The following NDRG2 variants were observed in gnomAD, a reference collection of about 807,000 sequenced individuals.
NDRG2 encodes the protein protein NDRG2.
A neutral mutation model predicts 58.2 loss-of-function variants in NDRG2; 34 were observed. The ratio of observed to expected loss-of-function variants is 0.58; its 90% CI spans 0.44 to 0.78. The LOEUF (loss-of-function observed/expected upper bound fraction) is 0.78. NDRG2 is among the 30% of genes least tolerant of loss of function. The probability of loss-of-function intolerance (pLI) is 0.00; values close to 1 mark genes in which losing one functional copy is unlikely to be tolerated. For synonymous variants in NDRG2, 187 were observed against 175.9 expected (o/e 1.06, Z -0.50); for missense variants, 434 against 471.2 (o/e 0.92, Z 0.73).
chr14:21,055,503 G>A lies in NDRG2; in HGVS notation c.24+15325C>T, dbSNP rs372643938. Among the ~76,000 whole-genome samples, 3 of 152,334 alleles carry A rather than the reference G, an allele frequency of 2.0e-5. No individual in the cohort carries two copies. In the South Asian group the frequency reaches 6.2e-4, roughly 32 times the overall value. On this transcript the variant is annotated intron_variant, in intron 1 of 14. Transcript: ENST00000403829. ...ATAAAACAGCCCTGAGGCTGTGGCA[G>A]TGGGGAAAACTCATGATGAATGACT...
In NDRG2 at chr14:21,018,254, AC is replaced by A. The variant is rs1566452385; in HGVS notation, c.862-16del. On this transcript the variant is annotated splice_polypyrimidine_tract_variant and intron_variant, in intron 13 of 15. Transcript: ENST00000556147. The stretch of plus-strand genomic sequence containing the variant: ...GAGTCAGCCATCTGTTCAGGAGAGC[AC>A]CACCCAGAAAAAGTGAAACACACAT... 1 of 1,613,618 alleles carries A rather than the reference AC, an allele frequency of 6.2e-7. No homozygotes were observed.
Position 21,022,070 on chromosome 14 carries a change from G to T in NDRG2, c.336C>A (p.Phe112Leu). Residue 112 changes from phenylalanine to leucine, a missense_variant, in exon 5 of 16, where the codon TTC becomes TTA. Physicochemically the swap from Phe to Leu is conservative, Grantham distance 22. Transcript: ENST00000556147. The stretch of plus-strand genomic sequence containing the variant: ...AACGACCTAACTCTTACCCCAAAGG[G>T]AACACAGGGGCTCCCTCTTCCATTC... ...APGMEEGAPV[F>L]PLGYQYPSLD... 6.2e-7 allele frequency: 1 copy of T among 1,614,094 alleles called. No individual in the cohort carries two copies. Among genetic ancestry groups the T allele is most frequent in the South Asian group, 1.1e-5 (1 of 91,066 alleles).
At chr14:21,068,365 C>T (rs1316391691) in intron 1 of NDRG2, among the ~76,000 whole-genome samples, 1 of 151,894 alleles carries the variant, frequency 6.6e-6, no homozygotes, top group Non-Finnish European at 1.5e-5. Context: ...TTGTGGACCC[C>T]CATAGCCAGA....
chr14:21,066,325 GTT>G (rs71416998), intron 1 of NDRG2, among the ~76,000 whole-genome samples: 8 of 142,546 alleles, frequency 5.6e-5, no homozygotes, highest in Non-Finnish European at 3.1e-5. Flanking sequence ...TGTTTTTTTT[GTT>G]TTTTTTTTTT....
chr14:21,023,573 C>T (rs970430384), intron 1 of NDRG2: 3 of 433,594 alleles, frequency 6.9e-6, no homozygotes, highest in East Asian at 6.9e-5. Flanking sequence ...ACCCTCAACA[C>T]CACACCTCCA....
At chr14:21,031,277 C>T (rs751758302) in intron 1 of NDRG2, 2 of 1,376,550 alleles carry the variant, frequency 1.5e-6, no homozygotes, top group South Asian at 1.5e-5. Flanking sequence ...CCGAAACAGA[C>T]TTTAGAGATC....
chr14:21,064,443 AG>A (rs111468823), intron 1 of NDRG2, among the ~76,000 whole-genome samples: 49 of 152,218 alleles, frequency 3.2e-4, no homozygotes, highest in African/African-American at 1.2e-3. Flanking sequence ...CTGGGATTAC[AG>A]GTGCACACTG....
chr14:21,066,873 T>A (rs1011183995), intron 1 of NDRG2, among the ~76,000 whole-genome samples: 5 of 152,202 alleles, frequency 3.3e-5, no homozygotes, highest in African/African-American at 1.2e-4. Flanking sequence ...AGAACTGATA[T>A]ATATTTACAT....
Position 21,025,003 on chromosome 14 carries a change from G to A in NDRG2, c.-980C>T. On this transcript the variant is annotated 5_prime_UTR_variant, in exon 1 of 16. Transcript: ENST00000556147. The surrounding 1 kb of genome is among the most constrained non-coding windows in gnomAD (Gnocchi z 5.1). ...CCGGCTGGCGCCTTCCAGGCCCTAC[G>A]GCCCCTCGCCTGCCCCTCCCCCTAC... 1 of 985,832 alleles carries A rather than the reference G, an allele frequency of 1.0e-6. No individual in the cohort carries two copies. The highest frequency in any genetic ancestry group is 1.2e-6 in the Non-Finnish European group (1 of 830,370). 61.1% of individuals were successfully genotyped at this position (985,832 alleles called of 1,614,324 possible).
intron 1 of NDRG2, among the ~76,000 whole-genome samples, chr14:21,064,264 AGTG>A (rs1886131040): frequency 6.6e-6 from 1 of 152,116 alleles, no homozygotes; most frequent in Non-Finnish European, 1.5e-5. Context: ...TAAAATTGAG[AGTG>A]ACTAAATGAA....
intron 14 of NDRG2, 29 bp downstream of exon 14, chr14:21,018,175 C>G: frequency 6.2e-7 from 1 of 1,613,358 alleles, no homozygotes; most frequent in South Asian, 1.1e-5. Flanking sequence ...ATGTCCCTTC[C>G]CCATCCCATG....
chr14:21,038,109 CCTT>C (rs1884733807), intron 1 of NDRG2, among the ~76,000 whole-genome samples: 6 of 152,300 alleles, frequency 3.9e-5, no homozygotes, highest in Admixed American at 2.6e-4. Context: ...GCCATCTCAA[CCTT>C]CTTCTCATAG....
At chr14:21,059,197 C>G (rs1007644839) in intron 1 of NDRG2, among the ~76,000 whole-genome samples, 6 of 152,180 alleles carry the variant, frequency 3.9e-5, no homozygotes, top group Non-Finnish European at 8.8e-5. Flanking sequence ...GAGCAGGACC[C>G]TCAGCGTTCT....
chr14:21,063,640 T>G (rs1287243759), intron 1 of NDRG2, among the ~76,000 whole-genome samples: 1 of 152,186 alleles, frequency 6.6e-6, no homozygotes, highest in Non-Finnish European at 1.5e-5. Flanking sequence ...AATTCCTAGA[T>G]TGTCTGCTCC....
upstream of NDRG2, among the ~76,000 whole-genome samples, chr14:21,026,158 A>G (rs908068674): frequency 6.6e-6 from 1 of 151,572 alleles, no homozygotes; most frequent in Admixed American, 6.6e-5. Context: ...ACACGCACAC[A>G]CACACACACA....
At chr14:21,022,345 C>G (rs1383567937) in intron 4 of NDRG2, 47 bp downstream of exon 4, 6 of 1,588,772 alleles carry the variant, frequency 3.8e-6, no homozygotes, top group East Asian at 2.2e-5. Context: ...ACCCTTCCCC[C>G]ACAGCCTCTT....
At chr14:21,020,066 C>T (rs1388805271) in intron 8 of NDRG2, 90 bp from the exon 9 acceptor site, 9 of 1,206,882 alleles carry the variant, frequency 7.5e-6, no homozygotes, top group Middle Eastern at 2.7e-4. Context: ...GAGGCCGAGG[C>T]GGGTGGATCA....
chr14:21,030,872 GCGCTGTGC>G, intron 1 of NDRG2: 3 of 1,504,586 alleles, frequency 2.0e-6, no homozygotes, highest in Non-Finnish European at 2.7e-6. Flanking sequence ...AGGGTACCTG[GCGCTGTGC>G]TATCCTTTGT....
At position 21,043,306 on chromosome 14, in the gene NDRG2, C is replaced by T. The variant is rs779829530; in HGVS notation, c.25-19985G>A. The T allele has an allele frequency of 1.4e-5, 22 of 1,614,070 alleles. No individual in the cohort carries two copies. The Admixed American group carries it at 3.7e-4, about 27-fold the overall frequency. ...TGCCACCAGAGCCACGGGGCCGTGT[C>T]CCTGACCATGTGTAAGCTCACCTCA... On this transcript the variant is annotated intron_variant, in intron 1 of 14. Coordinates refer to the NDRG2 transcript ENST00000403829.
Sources: allele counts gnomAD v4.1 joint callset (sites outside exome capture counted in the v4.1 genomes callset), GRCh38; gene constraint gnomAD v4.1.1; non-coding constraint Gnocchi (gnomAD v3.1); transcripts MANE v1.5; gene names NCBI Gene and HGNC (gene_info 2026-07-23, HGNC 2026-07-21).